NCAM2: variants seen among roughly 807,000 people sequenced by gnomAD.
NCAM2 encodes the protein N-CAM-2.
NCAM2 carries 30 observed loss-of-function variants against 98.1 expected under a neutral mutation model. The observed-to-expected ratio is 0.31, with a 90% CI of 0.23 to 0.41. The LOEUF (loss-of-function observed/expected upper bound fraction) is 0.41. Ranked by LOEUF, NCAM2 falls within the 10% of genes least tolerant of loss-of-function variation. The pLI, the probability that NCAM2 is intolerant of heterozygous loss-of-function variation, is 1.00. For missense variants in NCAM2, 867 were observed against 1,005.8 expected, an observed-to-expected ratio of 0.86 and a Z score of 1.87; for synonymous variants, 368 against 342.4, an observed-to-expected ratio of 1.07 and a Z score of -0.83.
chr21:21,032,360 T>C (rs1023424915), intron 1 of NCAM2, among the ~76,000 whole-genome samples: 9 of 152,340 alleles, frequency 5.9e-5, no homozygotes, highest in Non-Finnish European at 1.3e-4. Context: ...TTTTAAAAAT[T>C]TAAACTTCAT....
intron 1 of NCAM2, among the ~76,000 whole-genome samples, chr21:21,217,376 T>A (rs2069946433): frequency 6.6e-6 from 1 of 152,146 alleles, no homozygotes; most frequent in Non-Finnish European, 1.5e-5. Context: ...AGAATAAAGA[T>A]TCCTAGTGAG....
chr21:21,083,706 C>A (rs749112441), intron 1 of NCAM2, among the ~76,000 whole-genome samples: 50 of 152,100 alleles, frequency 3.3e-4, no homozygotes, highest in Non-Finnish European at 5.9e-4. Context: ...TGAGCCACCA[C>A]CCCCAGCCTC....
At chr21:21,173,528 G>A (rs2068187296) in intron 1 of NCAM2, among the ~76,000 whole-genome samples, 1 of 152,148 alleles carries the variant, frequency 6.6e-6, no homozygotes, top group African/African-American at 2.4e-5. Flanking sequence ...AGTAGTGAAT[G>A]ACCATGAGAG....
At chr21:21,385,471 T>TA (rs2076251746) in intron 9 of NCAM2, 1 of 422,844 alleles carries the variant, frequency 2.4e-6, no homozygotes, top group Non-Finnish European at 4.6e-6. Context: ...TACAGGGTAA[T>TA]ACTGCTAAGA....
chr21:21,357,253 CTT>C (rs1255856000), intron 8 of NCAM2, among the ~76,000 whole-genome samples: 1 of 152,200 alleles, frequency 6.6e-6, no homozygotes, highest in East Asian at 1.9e-4. Flanking sequence ...TCACAGTCCT[CTT>C]TTTCAGTGTA....
At chr21:21,398,514 T>G (rs1165366837) in intron 9 of NCAM2, among the ~76,000 whole-genome samples, 2 of 152,190 alleles carry the variant, frequency 1.3e-5, no homozygotes, top group African/African-American at 2.4e-5. Context: ...TGATTAAGGT[T>G]TAAGAAGAAG....
At chr21:21,399,026 G>A (rs1197581406) in intron 9 of NCAM2, among the ~76,000 whole-genome samples, 1 of 152,168 alleles carries the variant, frequency 6.6e-6, no homozygotes, top group African/African-American at 2.4e-5. Context: ...GGCAGGGAGG[G>A]TGAAGAGATG....
intron 14 of NCAM2, among the ~76,000 whole-genome samples, chr21:21,475,930 T>C (rs1602452286): frequency 6.6e-6 from 1 of 152,242 alleles, no homozygotes; most frequent in East Asian, 1.9e-4. Context: ...AAAAAGAGAA[T>C]ACTAGTATGT....
chr21:21,209,728 G>A (rs554900370), intron 1 of NCAM2, among the ~76,000 whole-genome samples: 13 of 152,190 alleles, frequency 8.5e-5, no homozygotes, highest in South Asian at 2.1e-4. Flanking sequence ...TAAAAGATAC[G>A]TGTGTTCTAC....
chr21:21,375,291 A>G (rs1490089481), intron 9 of NCAM2, among the ~76,000 whole-genome samples: 5 of 151,750 alleles, frequency 3.3e-5, no homozygotes, highest in African/African-American at 9.6e-5. Flanking sequence ...ACCTTTTTAA[A>G]ACTATTCATA....
At chr21:21,270,838 T>C (rs1350807088) in intron 1 of NCAM2, among the ~76,000 whole-genome samples, 1 of 152,152 alleles carries the variant, frequency 6.6e-6, no homozygotes, top group African/African-American at 2.4e-5. Context: ...GCTTGATGTC[T>C]GATGGGCCTG....
intron 1 of NCAM2, among the ~76,000 whole-genome samples, chr21:21,257,520 A>G (rs2071719603): frequency 6.6e-6 from 1 of 152,224 alleles, no homozygotes; most frequent in Admixed American, 6.5e-5. Context: ...ATTAGACAGT[A>G]CGAAAAATAA....
intron 7 of NCAM2, among the ~76,000 whole-genome samples, chr21:21,337,779 A>T (rs557070395): frequency 1.3e-5 from 2 of 152,060 alleles, no homozygotes; most frequent in South Asian, 4.1e-4. Flanking sequence ...GTATATTGTT[A>T]AGTAAACTGA....
intron 1 of NCAM2, among the ~76,000 whole-genome samples, chr21:21,068,135 C>CTTTT (rs68078560): frequency 2.3e-5 from 2 of 88,558 alleles, no homozygotes; most frequent in African/African-American, 4.0e-5. Context: ...ACTTTTTTTT[C>CTTTT]TTTTTTTTTT....
At chr21:21,057,228 C>A (rs568063827) in intron 1 of NCAM2, among the ~76,000 whole-genome samples, 18 of 152,080 alleles carry the variant, frequency 1.2e-4, no homozygotes, top group African/African-American at 4.3e-4. Flanking sequence ...AAAGAATTCA[C>A]AACAGCAGTT....
chr21:21,368,903 G>C (rs1240845396), intron 8 of NCAM2, among the ~76,000 whole-genome samples: 1 of 151,622 alleles, frequency 6.6e-6, no homozygotes, highest in African/African-American at 2.4e-5. Flanking sequence ...AACCTATCCT[G>C]TCCATTTCCA....
chr21:21,151,161 T>A (rs1257934719), intron 1 of NCAM2, among the ~76,000 whole-genome samples: 2 of 152,038 alleles, frequency 1.3e-5, no homozygotes, highest in Non-Finnish European at 1.5e-5. Context: ...ATTACCTATT[T>A]TGAATGTGAT....
chr21:21,156,195 T>G (rs1243016108), intron 1 of NCAM2, among the ~76,000 whole-genome samples: 4 of 152,020 alleles, frequency 2.6e-5, no homozygotes, highest in Non-Finnish European at 5.9e-5. Context: ...TTCTGTAGTA[T>G]TTCTGTCTCA....
intron 1 of NCAM2, among the ~76,000 whole-genome samples, chr21:21,165,883 G>A (rs1266997093): frequency 6.6e-6 from 1 of 152,104 alleles, no homozygotes; most frequent in Non-Finnish European, 1.5e-5. Flanking sequence ...TGGGGTCAAA[G>A]CAGTCTTTGT....
Sources: allele counts gnomAD v4.1 joint callset (sites outside exome capture counted in the v4.1 genomes callset), GRCh38; gene constraint gnomAD v4.1.1; transcripts MANE v1.5; gene names NCBI Gene and HGNC (gene_info 2026-07-23, HGNC 2026-07-21).